The following RIMS2 variants were observed in gnomAD, a reference collection of about 807,000 sequenced individuals.
RIMS2 encodes regulating synaptic membrane exocytosis protein 2.
A neutral mutation model predicts 174.4 loss-of-function variants in RIMS2; 59 were observed. That is an observed-to-expected ratio of 0.34 (90% CI 0.27 to 0.42). The LOEUF (loss-of-function observed/expected upper bound fraction) is 0.42, where lower values mean the gene tolerates loss of function less well. RIMS2 is among the 10% of genes least tolerant of loss of function. RIMS2 has a pLI of 1.00. For missense variants in RIMS2, 1,620 were observed against 1,666.3 expected (o/e 0.97, Z 0.48); for synonymous variants, 606 against 572.5 (o/e 1.06, Z -0.84).
At chr8:103,975,489 T>A in exon 16 of RIMS2, 1 of 1,613,198 alleles carries the variant, frequency 6.2e-7, no homozygotes, top group Non-Finnish European at 8.5e-7. Flanking sequence ...GGTCACCCAG[T>A]GTCCCTCCTC....
At chr8:103,695,651 T>C (rs2097091569) in intron 1 of RIMS2, among the ~76,000 whole-genome samples, 1 of 148,654 alleles carries the variant, frequency 6.7e-6, no homozygotes, top group Non-Finnish European at 1.5e-5. Context: ...ATTTTATTTA[T>C]TTTTATAATT....
At chr8:103,748,124 G>T (rs3110474) in intron 2 of RIMS2, among the ~76,000 whole-genome samples, 118,817 of 152,018 alleles carry the variant, frequency 0.78, 46,798 homozygotes, top group East Asian at 0.88. Flanking sequence ...GGATCTAAAA[G>T]AGTTTTGTTC....
intron 3 of RIMS2, among the ~76,000 whole-genome samples, chr8:103,810,530 C>G (rs1208401477): frequency 1.3e-5 from 2 of 152,088 alleles, no homozygotes; most frequent in Non-Finnish European, 2.9e-5. Flanking sequence ...GTACTTTAAA[C>G]TTTATTGTTA....
At chr8:103,552,244 C>T (rs1267604110) in intron 1 of RIMS2, among the ~76,000 whole-genome samples, 2 of 152,020 alleles carry the variant, frequency 1.3e-5, no homozygotes, top group Non-Finnish European at 2.9e-5. Flanking sequence ...GCACTGGTAC[C>T]AAAACAGATA....
intron 1 of RIMS2, among the ~76,000 whole-genome samples, chr8:103,536,246 C>A (rs1430085953): frequency 6.6e-6 from 1 of 152,078 alleles, no homozygotes; most frequent in East Asian, 1.9e-4. Context: ...CAAACAAGGG[C>A]ACTTTTGTGT....
At chr8:103,833,677 T>G (rs906816704) in intron 3 of RIMS2, among the ~76,000 whole-genome samples, 13 of 152,140 alleles carry the variant, frequency 8.5e-5, no homozygotes, top group Non-Finnish European at 1.6e-4. Context: ...ATTTTATATT[T>G]TGTTCTAAAA....
At chr8:103,959,543 A>G (rs555235357) in intron 14 of RIMS2, among the ~76,000 whole-genome samples, 256 of 151,818 alleles carry the variant, frequency 1.7e-3, no homozygotes, top group African/African-American at 5.9e-3. Context: ...AGCTGGGACT[A>G]CAGGTGCATG....
intron 12 of RIMS2, among the ~76,000 whole-genome samples, chr8:103,931,718 A>G (rs2079988996): frequency 1.3e-5 from 2 of 152,210 alleles, no homozygotes; most frequent in Admixed American, 1.3e-4. Context: ...AAGCTAAAAT[A>G]CTAGAATTTT....
chr8:104,179,631 G>A lies in RIMS2; in HGVS notation c.3335-65285G>A, dbSNP rs1253359854. Among the ~76,000 whole-genome samples, 3 of 151,632 alleles carry A rather than the reference G, an allele frequency of 2.0e-5. No individual in the cohort carries two copies. In the South Asian group the frequency reaches 6.2e-4, roughly 31 times the overall value. ...CTACTGAAGTTAAGTGGCTCAGCTA[G>A]GAAAATGTAGTAAAATAACAGCAAA... On this transcript the variant is annotated intron_variant, in intron 19 of 23. Coordinates refer to ENST00000504942, the Ensembl canonical transcript of RIMS2.
At chr8:103,692,950 C>T (rs957435815) in intron 1 of RIMS2, among the ~76,000 whole-genome samples, 1 of 152,180 alleles carries the variant, frequency 6.6e-6, no homozygotes, top group East Asian at 1.9e-4. Context: ...AGGAATTGCC[C>T]AGGAATTGTG....
At position 103,571,571 on chromosome 8, in the gene RIMS2, TTG is replaced by T. The variant is rs572225704; in HGVS notation, c.176+70515_176+70516del. On this transcript the variant is annotated intron_variant, in intron 1 of 23. Transcript: ENST00000504942. ...GCATATATATTTGTCATATGTATAT[TTG>T]TGTGTATATGTATATATGTACCTAC... Among the ~76,000 whole-genome samples the T allele has an allele frequency of 5.4e-3, 817 of 152,314 alleles. 3 individuals carry two copies. The highest frequency in any genetic ancestry group is 8.0e-3 in the Non-Finnish European group (545 of 68,010).
At chr8:103,565,173 C>T (rs983006665) in intron 1 of RIMS2, among the ~76,000 whole-genome samples, 4 of 152,162 alleles carry the variant, frequency 2.6e-5, no homozygotes, top group Admixed American at 2.6e-4. Flanking sequence ...TGGTTAGTGA[C>T]AGAATGAATA....
chr8:103,831,538 A>C (rs1296208293), intron 3 of RIMS2, among the ~76,000 whole-genome samples: 1 of 152,034 alleles, frequency 6.6e-6, no homozygotes, highest in Non-Finnish European at 1.5e-5. Context: ...GACACAGAGG[A>C]GCTCCAGAGA....
intron 19 of RIMS2, among the ~76,000 whole-genome samples, chr8:104,191,519 A>G (rs1455190513): frequency 6.6e-6 from 1 of 152,164 alleles, no homozygotes; most frequent in African/African-American, 2.4e-5. Flanking sequence ...ACCAAAAGAT[A>G]AAAGAAGTTT....
chr8:103,748,718 CT>C (rs1182825272), intron 2 of RIMS2, among the ~76,000 whole-genome samples: 2 of 151,852 alleles, frequency 1.3e-5, no homozygotes, highest in Non-Finnish European at 2.9e-5. Flanking sequence ...ATGTCTGGTC[CT>C]TTGTCTTTTA....
chr8:103,909,794 A>G lies in RIMS2; in HGVS notation c.1625-340A>G, dbSNP rs1160698679. 3.9e-5 allele frequency among the ~76,000 whole-genome samples: 6 copies of G among 152,164 alleles called. No homozygotes were observed. The East Asian group carries it at 1.2e-3, about 29-fold the overall frequency. ...AAAAAAAATATATGGCATGAATAACAGTCATAGCTAATAGTCTTTTTCAGC... is the reference window on the plus strand; with the variant it reads ...AAAAAAAATATATGGCATGAATAACGGTCATAGCTAATAGTCTTTTTCAGC... On this transcript the variant is annotated intron_variant, in intron 4 of 23. Transcript: ENST00000504942.
In RIMS2 at chr8:104,027,032, A is replaced by G. The variant is rs1442061416; in HGVS notation, c.3334+12417A>G. On this transcript the variant is annotated intron_variant, in intron 19 of 23. Coordinates refer to ENST00000504942, the Ensembl canonical transcript of RIMS2. ...GATTCAGGGATACTTTAAAATACCA[A>G]GGGATTTATCATATGTTTTTGAGCA... 3.3e-5 allele frequency among the ~76,000 whole-genome samples: 5 copies of G among 152,206 alleles called. No homozygotes were observed. The East Asian group carries it at 9.6e-4, about 29-fold the overall frequency.
At chr8:103,783,878 C>G (rs1313798087) in intron 3 of RIMS2, among the ~76,000 whole-genome samples, 1 of 151,974 alleles carries the variant, frequency 6.6e-6, no homozygotes, top group Non-Finnish European at 1.5e-5. Context: ...GTTTACAGAC[C>G]CACCAACAGT....
chr8:103,573,964 G>C (rs986136981), intron 1 of RIMS2, among the ~76,000 whole-genome samples: 1 of 152,000 alleles, frequency 6.6e-6, no homozygotes, highest in Non-Finnish European at 1.5e-5. Context: ...CAAAAACAAA[G>C]GTTTTTAGAT....
Sources: allele counts gnomAD v4.1 joint callset (sites outside exome capture counted in the v4.1 genomes callset), GRCh38; gene constraint gnomAD v4.1.1; transcripts MANE v1.5; gene names NCBI Gene and HGNC (gene_info 2026-07-23, HGNC 2026-07-21).